PCDHGA12: variants seen among roughly 807,000 people sequenced by gnomAD.
The protein encoded by PCDHGA12 is protocadherin gamma-A12.
Under a neutral mutation model 61.1 loss-of-function variants are expected in PCDHGA12, and 43 were observed. The observed-to-expected ratio is 0.70, with a 90% CI of 0.55 to 0.91. PCDHGA12 has a LOEUF of 0.91. Among genes scored for constraint, PCDHGA12 ranks in the 40% least tolerant of loss-of-function variants. The pLI is 0.00. For missense variants in PCDHGA12, 1,236 were observed against 1,227.7 expected (o/e 1.01, Z -0.10); for synonymous variants, 520 against 542.9 (o/e 0.96, Z 0.59).
chr5:141,504,836 C>A (rs550489904), intron 2 of PCDHGA12, among the ~76,000 whole-genome samples: 2 of 152,200 alleles, frequency 1.3e-5, no homozygotes, highest in East Asian at 3.9e-4. Context: ...TTTTCTCTAG[C>A]TCTGGAACAT....
chr5:141,478,499 G>A (rs77463374), intron 1 of PCDHGA12: 18 of 1,612,728 alleles, frequency 1.1e-5, no homozygotes, highest in African/African-American at 2.7e-5. Context: ...CTGTGATCCG[G>A]TGTTCTATAG....
At chr5:141,478,675 G>T in intron 1 of PCDHGA12, 1 of 1,551,574 alleles carries the variant, frequency 6.4e-7, no homozygotes, top group Non-Finnish European at 8.7e-7. Flanking sequence ...ACTTTCAACT[G>T]GCCCTTCCTA....
chr5:141,486,909 C>A lies in PCDHGA12; in HGVS notation c.2425-7898C>A, dbSNP rs759702188. On this transcript the variant is annotated intron_variant, in intron 1 of 3. Coordinates refer to ENST00000252085, the MANE Select transcript of PCDHGA12 (RefSeq NM_003735.3). The surrounding 1 kb of genome is among the most constrained non-coding windows in gnomAD (Gnocchi z 5.0). ...CGGCCTGGTTCCTTATGTCCCCAAGCACTGCCTCCATCAGTTGGTGCTGGC... is the reference window on the plus strand; with the variant it reads ...CGGCCTGGTTCCTTATGTCCCCAAGAACTGCCTCCATCAGTTGGTGCTGGC... 3.1e-6 allele frequency: 5 copies of A among 1,614,262 alleles called. No individual in the cohort carries two copies. The East Asian group carries it at 1.1e-4, about 36-fold the overall frequency.
chr5:141,478,920 C>T lies in PCDHGA12; in HGVS notation c.2425-15887C>T, dbSNP rs559060283. On this transcript the variant is annotated intron_variant, in intron 1 of 3. Transcript: ENST00000252085. Reference sequence around the variant, plus strand: ...GGAATAAGCTGCTGGATACCTCTAACCAGTGGCAGCTTCTAGGAATACAAA... The same window carrying T: ...GGAATAAGCTGCTGGATACCTCTAATCAGTGGCAGCTTCTAGGAATACAAA... 608 of 728,392 alleles carry T rather than the reference C, an allele frequency of 8.3e-4. 2 individuals are homozygous for T. The highest frequency in any genetic ancestry group is 1.2e-3 in the South Asian group (55 of 44,196). 45.1% of individuals were successfully genotyped at this position (728,392 alleles called of 1,614,324 possible).
Position 141,432,731 on chromosome 5 carries a change from G to C in PCDHGA12, c.1972G>C (p.Val658Leu), listed in dbSNP as rs1244820860. The change falls in exon 1 of 4, where the codon GTC (valine) becomes CTC (leucine). Residue 658 changes from valine to leucine, a missense_variant. Coordinates refer to ENST00000252085, the MANE Select transcript of PCDHGA12 (RefSeq NM_003735.3). This position sits in a 1 kb window ranked among gnomAD's most constrained non-coding sequence, Gnocchi z 6.0. ...DHGQPPLSATVTLTVAVADSI... is the reference protein window; with the variant it reads ...DHGQPPLSATLTLTVAVADSI... ...CGGCCAGCCCCCTCTCTCCGCCACT[G>C]TCACGCTCACCGTGGCCGTGGCCGA... The C allele has an allele frequency of 6.2e-7, 1 of 1,614,068 alleles. No homozygotes were observed.
intron 1 of PCDHGA12, among the ~76,000 whole-genome samples, chr5:141,488,854 A>G (rs923370040): frequency 1.3e-5 from 2 of 152,226 alleles, no homozygotes; most frequent in Admixed American, 1.3e-4. Context: ...AACCTGCAGC[A>G]CGAAGTGAGT....
rs765809429 is a variant in PCDHGA12 at position 141,511,205 on chromosome 5, C to A, written c.*32C>A. On this transcript the variant is annotated 3_prime_UTR_variant, in exon 4 of 4. Coordinates refer to ENST00000252085, the MANE Select transcript of PCDHGA12 (RefSeq NM_003735.3). ...GGCCAGGCCAAGAGCCACAGGGCGGCCTCTCCCCAACCAGCCCAGCTTCTC... is the reference window on the plus strand; with the variant it reads ...GGCCAGGCCAAGAGCCACAGGGCGGACTCTCCCCAACCAGCCCAGCTTCTC... 4.3e-6 allele frequency: 7 copies of A among 1,611,426 alleles called. No homozygotes were observed. The Admixed American group carries it at 6.7e-5, about 15-fold the overall frequency.
chr5:141,491,641 C>T lies in PCDHGA12; in HGVS notation c.2425-3166C>T. Reference sequence around the variant, plus strand: ...CCTCAGCGTTCAGCAGCCCACAGCTCTGGCGCTGGAGCCTGACGCCATCCG... The same window carrying T: ...CCTCAGCGTTCAGCAGCCCACAGCTTTGGCGCTGGAGCCTGACGCCATCCG... On this transcript the variant is annotated intron_variant, in intron 1 of 3. Coordinates refer to ENST00000252085, the MANE Select transcript of PCDHGA12 (RefSeq NM_003735.3). The surrounding 1 kb of genome is among the most constrained non-coding windows in gnomAD (Gnocchi z 6.9). The T allele has an allele frequency of 6.2e-7, 1 of 1,613,896 alleles. No homozygotes were observed. Among genetic ancestry groups the T allele is most frequent in the Non-Finnish European group, 8.5e-7 (1 of 1,180,018 alleles).
intron 1 of PCDHGA12, among the ~76,000 whole-genome samples, chr5:141,445,318 G>T (rs182520609): frequency 2.0e-4 from 30 of 152,306 alleles, no homozygotes; most frequent in African/African-American, 7.2e-4. Context: ...TAGGTTGAGA[G>T]AACCCATCCA....
In PCDHGA12 at chr5:141,497,558, TA is replaced by T. The variant is rs543126612; in HGVS notation, c.2483+2694del. 6.7e-3 allele frequency among the ~76,000 whole-genome samples: 979 copies of T among 145,038 alleles called. 16 individuals carry two copies. Among genetic ancestry groups the T allele is most frequent in the African/African-American group, 0.024 (931 of 38,872 alleles). On this transcript the variant is annotated intron_variant, in intron 2 of 3. Coordinates refer to ENST00000252085, the MANE Select transcript of PCDHGA12 (RefSeq NM_003735.3). The stretch of plus-strand genomic sequence containing the variant: ...AACAAACCTTTTTTTTTTTTTTTTT[TA>T]GACAGAGTCTTGCTCTGTTGCCCAA...
chr5:141,487,813 TG>T lies in PCDHGA12; in HGVS notation c.2425-6989del. 7.2e-7 allele frequency: 1 copy of T among 1,384,138 alleles called. No homozygotes were observed. 85.7% of individuals were successfully genotyped at this position (1,384,138 alleles called of 1,614,324 possible). A position where few individuals can be genotyped will look rare whatever the true frequency, so the allele number is the denominator to read the frequency against. On this transcript the variant is annotated intron_variant, in intron 1 of 3. Transcript: ENST00000252085. This position sits in a 1 kb window ranked among gnomAD's most constrained non-coding sequence, Gnocchi z 5.0. Reference sequence around the variant, plus strand: ...AACCAGAGTTGTCACAGTTTAGCATTGGGGGCGGGTCATGCCTATATCTGAG... The same window carrying T: ...AACCAGAGTTGTCACAGTTTAGCATTGGGGCGGGTCATGCCTATATCTGAG...
chr5:141,455,364 G>C (rs2098820282), intron 1 of PCDHGA12, among the ~76,000 whole-genome samples: 1 of 152,252 alleles, frequency 6.6e-6, no homozygotes, highest in South Asian at 2.1e-4. Flanking sequence ...TAGGCAAGAA[G>C]GAAGGGAGAA....
At chr5:141,458,496 A>G (rs905073741) in intron 1 of PCDHGA12, among the ~76,000 whole-genome samples, 1 of 151,694 alleles carries the variant, frequency 6.6e-6, no homozygotes, top group Non-Finnish European at 1.5e-5. Flanking sequence ...CTGCCTGTAC[A>G]TACTGTTTGA....
chr5:141,503,440 C>A (rs1185892958), intron 2 of PCDHGA12, among the ~76,000 whole-genome samples: 2 of 151,694 alleles, frequency 1.3e-5, no homozygotes, highest in African/African-American at 4.8e-5. Context: ...ACTAAAAATA[C>A]AAAAATTCGC....
chr5:141,441,825 C>A, intron 1 of PCDHGA12: 1 of 357,252 alleles, frequency 2.8e-6, no homozygotes, highest in Non-Finnish European at 5.5e-6. Flanking sequence ...CTCTGGAGCG[C>A]AATGGCTTCG....
At chr5:141,505,650 T>C (rs1595974645) in intron 3 of PCDHGA12, among the ~76,000 whole-genome samples, 169 bp downstream of exon 3, 1 of 152,094 alleles carries the variant, frequency 6.6e-6, no homozygotes, top group East Asian at 1.9e-4. Flanking sequence ...GAATTGTGGC[T>C]AAGGAACAGC....
chr5:141,497,060 G>A (rs1244885752), intron 2 of PCDHGA12, among the ~76,000 whole-genome samples: 1 of 151,952 alleles, frequency 6.6e-6, no homozygotes, highest in African/African-American at 2.4e-5. Context: ...GTGGTGGCAG[G>A]CACCTGTAAT....
In PCDHGA12 at chr5:141,491,357, T is replaced by C; in HGVS notation, c.2425-3450T>C. 6.2e-7 allele frequency: 1 copy of C among 1,614,144 alleles called. No homozygotes were observed. Among genetic ancestry groups the C allele is most frequent in the South Asian group, 1.1e-5 (1 of 91,080 alleles). On this transcript the variant is annotated intron_variant, in intron 1 of 3. Transcript: ENST00000252085. This position sits in a 1 kb window ranked among gnomAD's most constrained non-coding sequence, Gnocchi z 6.9. ...CTAGCGACCGTCAGTCTCTTATCCCTAGTCACCTTCACCTTTCTGTCAGCG... is the reference window on the plus strand; with the variant it reads ...CTAGCGACCGTCAGTCTCTTATCCCCAGTCACCTTCACCTTTCTGTCAGCG...
intron 2 of PCDHGA12, among the ~76,000 whole-genome samples, chr5:141,497,767 C>T (rs1419825322): frequency 1.3e-5 from 2 of 152,066 alleles, no homozygotes; most frequent in East Asian, 3.9e-4. Flanking sequence ...TCAAACTCCC[C>T]GACCTCAACT....
Sources: gnomAD v4.1 joint callset for allele counts (sites outside exome capture counted in the v4.1 genomes callset) on GRCh38, gnomAD v4.1.1 for gene constraint, Gnocchi (gnomAD v3.1) non-coding constraint, MANE v1.5 for transcripts, NCBI Gene and HGNC (gene_info 2026-07-23, HGNC 2026-07-21) for gene names.